PDE1C: variants seen among roughly 807,000 people sequenced by gnomAD.
PDE1C encodes the protein dual specificity calcium/calmodulin-dependent 3',5'-cyclic nucleotide phosphodiesterase 1C.
In PDE1C, 62 loss-of-function variants were observed where a neutral mutation model predicts 93.1. That is an observed-to-expected ratio of 0.67 (90% CI 0.54 to 0.82). PDE1C has a LOEUF of 0.82. PDE1C is among the 40% of genes least tolerant of loss of function. PDE1C has a pLI of 0.00. For missense variants in PDE1C, 742 were observed against 884.6 expected (o/e 0.84, Z 2.04); for synonymous variants, 325 against 310.1 (o/e 1.05, Z -0.50).
In PDE1C at chr7:32,138,647, C is replaced by T. The variant is rs148471506; in HGVS notation, c.308+31138G>A. ...ATACCCAAGAGTTGAGGTTTGTGGG[C>T]ATTAATGAGTAATAAAAATTATTAA... On this transcript the variant is annotated intron_variant, in intron 3 of 18. Coordinates refer to the PDE1C transcript ENST00000396193. 1.2e-4 allele frequency among the ~76,000 whole-genome samples: 19 copies of T among 152,214 alleles called. No homozygotes were observed. In the East Asian group the frequency reaches 3.1e-3, roughly 25 times the overall value.
chr7:31,887,756 T>A (rs1399284963), intron 2 of PDE1C, among the ~76,000 whole-genome samples: 2 of 152,142 alleles, frequency 1.3e-5, no homozygotes, highest in Non-Finnish European at 2.9e-5. Context: ...TAATGTTCTG[T>A]GACAACAATG....
intron 2 of PDE1C, among the ~76,000 whole-genome samples, chr7:31,955,093 C>A (rs1807942705): frequency 1.3e-5 from 2 of 152,218 alleles, no homozygotes; most frequent in South Asian, 2.1e-4. Flanking sequence ...ACCGCCCCAA[C>A]AGACCTGGCA....
In PDE1C at chr7:32,204,733, AC is replaced by A. The variant is rs1185001833; in HGVS notation, c.136+4755del. Among the ~76,000 whole-genome samples, 5 of 152,208 alleles carry A rather than the reference AC, an allele frequency of 3.3e-5. No homozygotes were observed. In the East Asian group the frequency reaches 7.7e-4, roughly 24 times the overall value. On this transcript the variant is annotated intron_variant, in intron 2 of 18. Transcript: ENST00000396193. ...TTTTTTACCTATTATCCCCATTCAG[AC>A]CCTCAAGCCTCAGCTAATGCTCACT...
At chr7:32,106,355 G>A (rs745529480) in intron 3 of PDE1C, among the ~76,000 whole-genome samples, 1 of 152,074 alleles carries the variant, frequency 6.6e-6, no homozygotes, top group Non-Finnish European at 1.5e-5. Context: ...TACAACTAGA[G>A]TTCTAGTGTC....
intron 1 of PDE1C, among the ~76,000 whole-genome samples, chr7:32,244,274 G>A (rs1808754343): frequency 6.6e-6 from 1 of 152,108 alleles, no homozygotes; most frequent in Non-Finnish European, 1.5e-5. Context: ...GTTGGCCCTG[G>A]GACAATTGGT....
chr7:32,168,735 T>C (rs574729077), intron 3 of PDE1C, among the ~76,000 whole-genome samples: 39 of 152,310 alleles, frequency 2.6e-4, no homozygotes, highest in African/African-American at 9.1e-4. Flanking sequence ...CGTCACACTG[T>C]ATAAAGAAAT....
intron 2 of PDE1C, among the ~76,000 whole-genome samples, chr7:32,002,295 C>T (rs1785569651): frequency 6.6e-6 from 1 of 152,174 alleles, no homozygotes. Flanking sequence ...GAAACACATT[C>T]ATAAATATCT....
chr7:31,721,965 G>T, the PDE1C span, among the ~76,000 whole-genome samples: 1 of 122,304 alleles, frequency 8.2e-6, no homozygotes, highest in East Asian at 3.3e-4. Flanking sequence ...AAAAGTAAAT[G>T]CTCAAGACTT....
chr7:32,288,056 A>T (rs933252841), intron 1 of PDE1C, among the ~76,000 whole-genome samples: 2 of 152,180 alleles, frequency 1.3e-5, no homozygotes, highest in African/African-American at 4.8e-5. Context: ...TGGGAGGCTG[A>T]GGCAGGAGAA....
intron 3 of PDE1C, among the ~76,000 whole-genome samples, chr7:32,086,989 C>A (rs550601652): frequency 2.0e-3 from 298 of 151,834 alleles, no homozygotes; most frequent in African/African-American, 7.0e-3. Context: ...GCAACAAAAG[C>A]CAAACTTGAC....
In PDE1C at chr7:32,385,119, G is replaced by A. The variant is rs145246431; in HGVS notation, c.310+42703C>T. ...GGATGATGCTTCAATTCCTGGCTTC[G>A]GCATCTGAGTGAACGAAGGTGGCAT... On this transcript the variant is annotated intron_variant, in intron 1 of 1. Coordinates refer to the PDE1C transcript ENST00000672256. Among the ~76,000 whole-genome samples, 15 of 152,252 alleles carry A rather than the reference G, an allele frequency of 9.9e-5. 1 individual carries two copies. Among genetic ancestry groups the A allele is most frequent in the Admixed American group, 2.6e-4 (4 of 15,302 alleles).
chr7:32,279,773 G>T (rs1811508823), intron 1 of PDE1C, among the ~76,000 whole-genome samples: 2 of 151,860 alleles, frequency 1.3e-5, no homozygotes, highest in African/African-American at 4.8e-5. Context: ...TAAAAATTTT[G>T]AAACTATAAA....
chr7:31,976,828 G>A (rs1811733292), intron 2 of PDE1C, among the ~76,000 whole-genome samples: 2 of 152,186 alleles, frequency 1.3e-5, no homozygotes, highest in African/African-American at 4.8e-5. Context: ...ACCCCATGAT[G>A]CTTACACCCT....
At chr7:31,969,368 G>A (rs149429269) in intron 2 of PDE1C, among the ~76,000 whole-genome samples, 15,720 of 152,296 alleles carry the variant, frequency 0.1, 1,002 homozygotes, top group Admixed American at 0.18. Context: ...AGACATTTAT[G>A]TGGCCAAAAA....
At chr7:31,841,227 C>CTCGCTCTCTA (rs751320538) in intron 9 of PDE1C, among the ~76,000 whole-genome samples, 1 of 142,262 alleles carries the variant, frequency 7.0e-6, no homozygotes, top group African/African-American at 2.6e-5. Context: ...CTCTCTCTCT[C>CTCGCTCTCTA]TATATATATA....
chr7:32,425,848 G>A lies in PDE1C; in HGVS notation c.310+1974C>T, dbSNP rs557498602. On this transcript the variant is annotated intron_variant, in intron 1 of 1. Coordinates refer to the PDE1C transcript ENST00000672256. ...CCCAACTACTCAGGAGGCTGAGGTGGGAGGATTGCTTGAGCCCAGGAGGTT... is the reference window on the plus strand; with the variant it reads ...CCCAACTACTCAGGAGGCTGAGGTGAGAGGATTGCTTGAGCCCAGGAGGTT... 1.3e-3 allele frequency among the ~76,000 whole-genome samples: 195 copies of A among 152,226 alleles called. 1 individual carries two copies. Among genetic ancestry groups the A allele is most frequent in the African/African-American group, 4.5e-3 (187 of 41,538 alleles).
chr7:31,878,995 C>T lies in PDE1C; in HGVS notation c.425+1G>A. The T allele has an allele frequency of 6.2e-7, 1 of 1,613,100 alleles. No individual in the cohort carries two copies. The highest frequency in any genetic ancestry group is 8.5e-7 in the Non-Finnish European group (1 of 1,179,152). On this transcript the variant is annotated splice_donor_variant, in intron 4 of 17. Coordinates refer to ENST00000396191, the MANE Select transcript of PDE1C (RefSeq NM_001191057.4). LOFTEE classifies it high-confidence loss of function. ...TAAATGACAATGAATGACATCTTTA[C>T]CTCTCCACAAATATCCCAGCCTGCA...
the PDE1C span, among the ~76,000 whole-genome samples, chr7:31,637,350 C>A: frequency 2.6e-5 from 4 of 152,130 alleles, no homozygotes; most frequent in Non-Finnish European, 5.9e-5. Context: ...TACAGTCCCA[C>A]CAACAGTGTA....
At chr7:31,743,408 G>A in the PDE1C span, among the ~76,000 whole-genome samples, 1 of 152,068 alleles carries the variant, frequency 6.6e-6, no homozygotes, top group African/African-American at 2.4e-5. Context: ...AGATGCCTGA[G>A]GCTGCAGCCC....
Sources: gnomAD v4.1 joint callset for allele counts (sites outside exome capture counted in the v4.1 genomes callset) on GRCh38, gnomAD v4.1.1 for gene constraint, MANE v1.5 for transcripts, NCBI Gene and HGNC (gene_info 2026-07-23, HGNC 2026-07-21) for gene names.